Variants in PEAK1 observed in about 807,000 individuals in gnomAD.
PEAK1 encodes inactive tyrosine-protein kinase PEAK1.
A neutral mutation model predicts 124.7 loss-of-function variants in PEAK1; 54 were observed. The ratio of observed to expected loss-of-function variants is 0.43; its 90% CI spans 0.35 to 0.54. The LOEUF is 0.54. Ranked by LOEUF, PEAK1 falls within the 20% of genes least tolerant of loss-of-function variation. The pLI is 0.01. For synonymous variants in PEAK1, 719 were observed against 760.0 expected (o/e 0.95, Z 0.89); for missense variants, 2,046 against 2,134.5 (o/e 0.96, Z 0.82).
chr15:77,274,444 G>A (rs1436336535), intron 5 of PEAK1, among the ~76,000 whole-genome samples: 1 of 151,866 alleles, frequency 6.6e-6, no homozygotes, highest in Non-Finnish European at 1.5e-5. Flanking sequence ...CATCAAGTGG[G>A]CTAAAGACAT....
chr15:77,239,878 A>G, intron 6 of PEAK1: 1 of 982,644 alleles, frequency 1.0e-6, no homozygotes, highest in South Asian at 4.7e-5. Context: ...TCCAAATTTG[A>G]GAGAGTAAAA....
chr15:77,260,525 T>C (rs2061384760), intron 5 of PEAK1, among the ~76,000 whole-genome samples: 1 of 151,436 alleles, frequency 6.6e-6, no homozygotes, highest in Admixed American at 6.6e-5. Flanking sequence ...AAGACATAAA[T>C]GAAAAAAGCA....
At chr15:77,383,662 AT>A (rs1406724525) in intron 1 of PEAK1, among the ~76,000 whole-genome samples, 1 of 152,120 alleles carries the variant, frequency 6.6e-6, no homozygotes, top group East Asian at 1.9e-4. Context: ...ATACAACATC[AT>A]TTTTATAATA....
chr15:77,225,655 G>A (rs1323358566), intron 6 of PEAK1, among the ~76,000 whole-genome samples: 33 of 103,040 alleles, frequency 3.2e-4, no homozygotes, highest in South Asian at 1.5e-3. Flanking sequence ...GTGTGTGTGT[G>A]TGTGTATAAT....
In PEAK1 at chr15:77,180,338, C is replaced by A; in HGVS notation, c.1589G>T (p.Arg530Leu). Residue 530 changes from arginine to leucine, a missense_variant, in exon 7 of 10, where the codon CGA (arginine) becomes CTA (leucine). Physicochemically the swap from Arg to Leu is moderately radical, Grantham distance 102 (BLOSUM62 -2). Transcript: ENST00000682557. The part of the protein sequence containing the change: ...SAHFQKSSAI[R>L]YQEVWTSSTS... ...GCTAGAAGTCCATACTTCTTGGTAT[C>A]GAATTGCACTGGATTTTTGGAAATG... 2 of 1,613,990 alleles carry A rather than the reference C, an allele frequency of 1.2e-6. No homozygotes were observed. Among genetic ancestry groups the A allele is most frequent in the Non-Finnish European group, 1.7e-6 (2 of 1,179,970 alleles).
In PEAK1 at chr15:77,178,992, C is replaced by T. The variant is rs780559166; in HGVS notation, c.2935G>A (p.Gly979Arg). ...ATGGCTGGTTTCTCACTGGACTCTCCTTTCGCCTCTGTGAACCAGTGATGG... is the reference window on the plus strand; with the variant it reads ...ATGGCTGGTTTCTCACTGGACTCTCTTTTCGCCTCTGTGAACCAGTGATGG... ...QRHHWFTEAK[G>R]ESSEKPAIVF... Residue 979 changes from glycine (G) to arginine (R), a missense_variant, in exon 7 of 10, where the codon GGA becomes AGA. Transcript: ENST00000682557. 6.2e-7 allele frequency: 1 copy of T among 1,614,090 alleles called. No individual in the cohort carries two copies. Among genetic ancestry groups the T allele is most frequent in the South Asian group, 1.1e-5 (1 of 91,088 alleles).
At chr15:77,214,958 T>C (rs1161103627) in intron 6 of PEAK1, among the ~76,000 whole-genome samples, 5 of 152,290 alleles carry the variant, frequency 3.3e-5, no homozygotes, top group Middle Eastern at 3.4e-3. Context: ...GAACCAACCA[T>C]ATCAACCTTA....
chr15:77,274,712 G>A (rs1271884685), intron 5 of PEAK1, among the ~76,000 whole-genome samples: 5 of 152,100 alleles, frequency 3.3e-5, no homozygotes, highest in Admixed American at 3.3e-4. Flanking sequence ...TTACACTGCT[G>A]GTGGGAATAT....
At chr15:77,278,832 GTTT>G (rs34583265) in intron 5 of PEAK1, 899 of 225,416 alleles carry the variant, frequency 4.0e-3, no homozygotes, top group Middle Eastern at 0.014. Flanking sequence ...AATTTTGTGG[GTTT>G]TTTTTTTTTT....
intron 8 of PEAK1, among the ~76,000 whole-genome samples, chr15:77,151,275 A>AT (rs2054600816): frequency 1.3e-5 from 2 of 151,414 alleles, no homozygotes; most frequent in Non-Finnish European, 2.9e-5. Context: ...GATGATGAGC[A>AT]TTTTTTCATG....
chr15:77,202,540 G>T (rs2058411657), intron 6 of PEAK1, among the ~76,000 whole-genome samples: 1 of 152,088 alleles, frequency 6.6e-6, no homozygotes, highest in African/African-American at 2.4e-5. Flanking sequence ...TCCGAGGTGG[G>T]CGGATCACGA....
In PEAK1 at chr15:77,113,944, G is replaced by A. The variant is rs1366250726; in HGVS notation, c.*212C>T. ...CAAGGGAAGGCAACTGCAAGTTTGT[G>A]CAGCTGAATTTCTGTAAAGTTAAGA... On this transcript the variant is annotated 3_prime_UTR_variant, in exon 10 of 10. Coordinates refer to ENST00000682557, the MANE Select transcript of PEAK1 (RefSeq NM_001385026.1). The A allele has an allele frequency of 1.1e-5, 6 of 564,884 alleles. No homozygotes were observed. The highest frequency in any genetic ancestry group is 1.9e-5 in the Non-Finnish European group (6 of 322,194). The allele number at this position is 564,884 out of a possible 1,614,324, so 35.0% of individuals were successfully genotyped here.
Position 77,158,597 on chromosome 15 carries a change from T to C in PEAK1, c.3237A>G (p.Ala1079=), listed in dbSNP as rs983394635. ...DGRGCTSVTT[A]LSLPELERED... is the part of the protein sequence containing the mutation. The stretch of plus-strand genomic sequence containing the variant: ...CCCTTTCCAGTTCAGGTAGGGACAA[T>C]GCTGTTGTGACTGAAGTGCAGCCCC... The change falls in exon 8 of 10, where the codon GCA becomes GCG. Residue 1079 remains alanine, a synonymous_variant. Coordinates refer to ENST00000682557, the MANE Select transcript of PEAK1 (RefSeq NM_001385026.1). 3.7e-6 allele frequency: 6 copies of C among 1,614,128 alleles called. No homozygotes were observed. The highest frequency in any genetic ancestry group is 5.1e-6 in the Non-Finnish European group (6 of 1,179,976).
In PEAK1 at chr15:77,218,806, CTA is replaced by C. The variant is rs555668068; in HGVS notation, c.-115+33559_-115+33560del. The stretch of plus-strand genomic sequence containing the variant: ...TTTCTGATTCACTAGACCAGAAAGG[CTA>C]TATGTTTTTCCATGTGTGGGCCATT... On this transcript the variant is annotated intron_variant, in intron 6 of 9. Coordinates refer to ENST00000682557, the MANE Select transcript of PEAK1 (RefSeq NM_001385026.1). Among the ~76,000 whole-genome samples the C allele has an allele frequency of 1.8e-4, 27 of 152,128 alleles. No homozygotes were observed. The East Asian group carries it at 5.2e-3, about 29-fold the overall frequency.
chr15:77,159,700 A>T (rs979084957), intron 7 of PEAK1, among the ~76,000 whole-genome samples: 2 of 152,226 alleles, frequency 1.3e-5, no homozygotes, highest in African/African-American at 4.8e-5. Context: ...TGGATTTTCA[A>T]TTGGCAGTGA....
At chr15:77,397,917 T>A (rs573079010) in intron 1 of PEAK1, among the ~76,000 whole-genome samples, 1 of 151,328 alleles carries the variant, frequency 6.6e-6, no homozygotes, top group Non-Finnish European at 1.5e-5. Context: ...AAAAAAAAAT[T>A]AGCCAGGCAT....
At chr15:77,220,782 G>C (rs72742487) in intron 6 of PEAK1, among the ~76,000 whole-genome samples, 3,665 of 152,072 alleles carry the variant, frequency 0.024, 80 homozygotes, top group Non-Finnish European at 0.039. Flanking sequence ...TTATGACAGG[G>C]AAATGACAAT....
rs996335537 is a variant in PEAK1 at position 77,182,048 on chromosome 15, G to A, written c.-114-8C>T. 17 of 1,401,704 alleles carry A rather than the reference G, an allele frequency of 1.2e-5. No homozygotes were observed. The African/African-American group carries it at 2.3e-4, about 19-fold the overall frequency. 86.8% of individuals were successfully genotyped at this position (1,401,704 alleles called of 1,614,324 possible). On this transcript the variant is annotated splice_region_variant and splice_polypyrimidine_tract_variant and intron_variant, in intron 6 of 9. Transcript: ENST00000682557. Reference sequence around the variant, plus strand: ...CTTCTAAGAATGATCAATCTGTGGAGGGGAAAAGAAGACAAAAAATCTGAA... The same window carrying A: ...CTTCTAAGAATGATCAATCTGTGGAAGGGAAAAGAAGACAAAAAATCTGAA...
chr15:77,176,258 GAAGAAAAAAAAAAGAA>G (rs1211914328), intron 7 of PEAK1, among the ~76,000 whole-genome samples: 75 of 29,826 alleles, frequency 2.5e-3, no homozygotes, highest in African/African-American at 9.0e-3. Flanking sequence ...ATAATAATAA[GAAGAAAAAAAAAAGAA>G]AAGAAAAAAA....
Sources: gnomAD v4.1 joint callset for allele counts (sites outside exome capture counted in the v4.1 genomes callset) on GRCh38, gnomAD v4.1.1 for gene constraint, MANE v1.5 for transcripts, NCBI Gene and HGNC (gene_info 2026-07-23, HGNC 2026-07-21) for gene names.